GMDS: variants seen among roughly 807,000 people sequenced by gnomAD.
GMDS encodes the protein GDP-mannose 4,6-dehydratase.
Under a neutral mutation model 49.9 loss-of-function variants are expected in GMDS, and 20 were observed. The ratio of observed to expected loss-of-function variants is 0.40; its 90% CI spans 0.28 to 0.58. GMDS has a LOEUF of 0.58. Among genes scored for constraint, GMDS ranks in the 20% least tolerant of loss-of-function variants. GMDS has a pLI of 0.42. For synonymous variants in GMDS, 177 were observed against 178.6 expected, an observed-to-expected ratio of 0.99 and a Z score of 0.07; for missense variants, 362 against 481.4, an observed-to-expected ratio of 0.75 and a Z score of 2.32.
intron 1 of GMDS, among the ~76,000 whole-genome samples, chr6:2,161,701 C>T (rs1777408549): frequency 6.6e-6 from 1 of 152,184 alleles, no homozygotes; most frequent in Non-Finnish European, 1.5e-5. Context: ...CAAGGACCTA[C>T]GTGGGGCTGG....
Position 1,778,784 on chromosome 6 carries a change from A to G in GMDS, c.772-36198T>C, listed in dbSNP as rs1165152902. On this transcript the variant is annotated intron_variant, in intron 7 of 10. Coordinates refer to ENST00000380815, the MANE Select transcript of GMDS (RefSeq NM_001500.4). The surrounding 1 kb of genome is among the most constrained non-coding windows in gnomAD (Gnocchi z 4.6). ...AAAGCTCGTCGACAGCAGCAGCCTG[A>G]CCAGTGTGGGCCAGGACTGTACCAG... Among the ~76,000 whole-genome samples the G allele has an allele frequency of 1.3e-5, 2 of 151,516 alleles. No homozygotes were observed. Among genetic ancestry groups the G allele is most frequent in the Non-Finnish European group, 2.9e-5 (2 of 67,934 alleles).
At chr6:1,768,882 CTA>C (rs1768465652) in intron 7 of GMDS, among the ~76,000 whole-genome samples, 2 of 152,182 alleles carry the variant, frequency 1.3e-5, no homozygotes, top group Admixed American at 1.3e-4. Flanking sequence ...ATTTTACAGA[CTA>C]AAAGAGTTAT....
chr6:1,921,914 T>C (rs905969285), intron 7 of GMDS, among the ~76,000 whole-genome samples: 2 of 152,182 alleles, frequency 1.3e-5, no homozygotes, highest in African/African-American at 4.8e-5. Context: ...ACAATAGCAA[T>C]ACCTCACTAA....
intron 1 of GMDS, among the ~76,000 whole-genome samples, chr6:2,126,747 C>T (rs1160566493): frequency 2.0e-5 from 3 of 152,170 alleles, no homozygotes; most frequent in Non-Finnish European, 4.4e-5. Context: ...GATTCTCGTG[C>T]CTCAGCCTCC....
intron 4 of GMDS, among the ~76,000 whole-genome samples, chr6:2,021,870 A>G (rs1446686523): frequency 1.3e-5 from 2 of 152,192 alleles, no homozygotes; most frequent in Non-Finnish European, 2.9e-5. Flanking sequence ...CCTCAGCTGG[A>G]TAGTCTTGAT....
intron 7 of GMDS, among the ~76,000 whole-genome samples, chr6:1,806,688 T>C (rs1180329316): frequency 6.6e-6 from 1 of 152,218 alleles, no homozygotes; most frequent in African/African-American, 2.4e-5. Context: ...CATATCAAAA[T>C]GAGAAAGAGG....
chr6:2,206,261 G>GA (rs796113745), intron 1 of GMDS, among the ~76,000 whole-genome samples: 10 of 146,694 alleles, frequency 6.8e-5, no homozygotes, highest in African/African-American at 1.0e-4. Context: ...TCCATCTCAA[G>GA]AAAAAAAAAA....
chr6:1,772,321 T>A (rs986852808), intron 7 of GMDS, among the ~76,000 whole-genome samples: 5 of 152,196 alleles, frequency 3.3e-5, no homozygotes, highest in African/African-American at 1.2e-4. Context: ...TTGTAGTATG[T>A]GTGGAGAAAT....
Position 1,871,095 on chromosome 6 carries a change from ACTGT to A in GMDS, c.771+59004_771+59007del, listed in dbSNP as rs1417670366. 4.7e-5 allele frequency among the ~76,000 whole-genome samples: 7 copies of A among 149,896 alleles called. No individual in the cohort carries two copies. In the East Asian group the frequency reaches 1.4e-3, roughly 29 times the overall value. ...ACACACACACACACACACTTAAACC[ACTGT>A]CTAATTACTCTGAACATCCACAAGG... On this transcript the variant is annotated intron_variant, in intron 7 of 10. Coordinates refer to ENST00000380815, the MANE Select transcript of GMDS (RefSeq NM_001500.4).
Position 1,868,694 on chromosome 6 carries a change from C to T in GMDS, c.771+61409G>A, listed in dbSNP as rs1011939964. Among the ~76,000 whole-genome samples, 10 of 151,854 alleles carry T rather than the reference C, an allele frequency of 6.6e-5. No homozygotes were observed. In the East Asian group the frequency reaches 7.8e-4, roughly 12 times the overall value. Reference sequence around the variant, plus strand: ...AATCTCTGAACTCAAGTGTAGGGCTCGTCCCAGTATAATGTGCTGCAAAGG... The same window carrying T: ...AATCTCTGAACTCAAGTGTAGGGCTTGTCCCAGTATAATGTGCTGCAAAGG... On this transcript the variant is annotated intron_variant, in intron 7 of 10. Coordinates refer to ENST00000380815, the MANE Select transcript of GMDS (RefSeq NM_001500.4).
At chr6:2,047,221 C>A (rs1581568728) in intron 4 of GMDS, among the ~76,000 whole-genome samples, 1 of 152,292 alleles carries the variant, frequency 6.6e-6, no homozygotes, top group East Asian at 1.9e-4. Flanking sequence ...GAACACAAAT[C>A]TTTTGGCCAT....
At chr6:1,647,341 G>A (rs539913893) in intron 9 of GMDS, among the ~76,000 whole-genome samples, 1 of 152,242 alleles carries the variant, frequency 6.6e-6, no homozygotes, top group South Asian at 2.1e-4. Flanking sequence ...CAGAGCTACT[G>A]GGGAGACATG....
chr6:1,872,478 T>C (rs971293554), intron 7 of GMDS, among the ~76,000 whole-genome samples: 12 of 152,242 alleles, frequency 7.9e-5, no homozygotes, highest in Non-Finnish European at 1.5e-4. Context: ...AATCGCTCTG[T>C]CAGAACTAAC....
At chr6:1,673,674 C>G (rs1463919281) in intron 9 of GMDS, among the ~76,000 whole-genome samples, 1 of 152,068 alleles carries the variant, frequency 6.6e-6, no homozygotes, top group Admixed American at 6.5e-5. Context: ...TCTGCTGCCA[C>G]AAAAGCCCCC....
intron 9 of GMDS, among the ~76,000 whole-genome samples, chr6:1,643,653 G>A (rs563859397): frequency 2.0e-5 from 3 of 152,016 alleles, no homozygotes; most frequent in African/African-American, 4.8e-5. Context: ...GGCCACGGTG[G>A]GGGGGACACT....
At chr6:1,845,227 A>G (rs1029771460) in intron 7 of GMDS, among the ~76,000 whole-genome samples, 7 of 152,218 alleles carry the variant, frequency 4.6e-5, no homozygotes, top group Non-Finnish European at 1.0e-4. Flanking sequence ...CATTAAAAGT[A>G]AAATAAGTGA....
Position 1,960,931 on chromosome 6 carries a change from A to G in GMDS, c.381T>C (p.Val127=). Reference sequence around the variant, plus strand: ...GAAGTCGTAGAGTGCCAACTCCGTCAACGTCCGCAGTGTACTCAGCGAGGT... The same window carrying G: ...GAAGTCGTAGAGTGCCAACTCCGTCGACGTCCGCAGTGTACTCAGCGAGGT... ...SFDLAEYTAD[V]DGVGTLRLLD... Residue 127 remains valine, a synonymous_variant, in exon 5 of 11, where the codon GTT becomes GTC. Coordinates refer to ENST00000380815, the MANE Select transcript of GMDS (RefSeq NM_001500.4). The G allele has an allele frequency of 1.9e-6, 3 of 1,594,578 alleles. No homozygotes were observed. Among genetic ancestry groups the G allele is most frequent in the Non-Finnish European group, 2.6e-6 (3 of 1,164,934 alleles).
intron 7 of GMDS, among the ~76,000 whole-genome samples, chr6:1,834,605 G>T (rs1166249437): frequency 6.6e-6 from 1 of 152,038 alleles, no homozygotes; most frequent in Non-Finnish European, 1.5e-5. Flanking sequence ...TTAAATGCAA[G>T]ATTACTCTGT....
At chr6:1,830,578 G>A (rs1756579444) in intron 7 of GMDS, among the ~76,000 whole-genome samples, 1 of 152,084 alleles carries the variant, frequency 6.6e-6, no homozygotes, top group African/African-American at 2.4e-5. Flanking sequence ...AGCAGTGAGT[G>A]GTTTTCCACT....
Sources: allele counts gnomAD v4.1 joint callset (sites outside exome capture counted in the v4.1 genomes callset), GRCh38; gene constraint gnomAD v4.1.1; non-coding constraint Gnocchi (gnomAD v3.1); transcripts MANE v1.5; gene names NCBI Gene and HGNC (gene_info 2026-07-23, HGNC 2026-07-21).